PRMT2: variants seen among roughly 807,000 people sequenced by gnomAD.
PRMT2 encodes the protein protein arginine N-methyltransferase 2.
In PRMT2, 26 loss-of-function variants were observed where a neutral mutation model predicts 57.6. The observed-to-expected ratio is 0.45, with a 90% CI of 0.33 to 0.63. The LOEUF (loss-of-function observed/expected upper bound fraction) is 0.63. PRMT2 is among the 20% of genes least tolerant of loss of function. PRMT2 has a pLI of 0.02. For synonymous variants in PRMT2, 219 were observed against 220.0 expected (o/e 1.00, Z 0.04); for missense variants, 472 against 564.4 (o/e 0.84, Z 1.66).
chr21:46,646,792 T>C (rs183481176), intron 5 of PRMT2, among the ~76,000 whole-genome samples: 31 of 152,298 alleles, frequency 2.0e-4, no homozygotes, highest in Middle Eastern at 3.4e-3. Flanking sequence ...AAAGATTTGC[T>C]AATTATACAC....
rs1429797739 is a variant in PRMT2 at position 46,659,699 on chromosome 21, T to G, written c.830+779T>G. 4.1e-6 allele frequency: 4 copies of G among 984,542 alleles called. No individual in the cohort carries two copies. The African/African-American group carries it at 7.0e-5, about 17-fold the overall frequency. 61.0% of individuals were successfully genotyped at this position (984,542 alleles called of 1,614,324 possible). A position where few individuals can be genotyped will look rare whatever the true frequency, so the allele number is the denominator to read the frequency against. On this transcript the variant is annotated intron_variant, in intron 8 of 11. Coordinates refer to ENST00000355680, the MANE Select transcript of PRMT2 (RefSeq NM_206962.4). ...GTGTGGCTGCCAGGGCCTTAGAGGT[T>G]GGCATCAGGCTGCCCACCCCAGTCA...
At chr21:46,639,429 C>T (rs2061230573) in intron 3 of PRMT2, among the ~76,000 whole-genome samples, 1 of 152,080 alleles carries the variant, frequency 6.6e-6, no homozygotes, top group Non-Finnish European at 1.5e-5. Context: ...CTATCAGTTA[C>T]TAAAAATTCT....
rs764785748 is a variant in PRMT2 at position 46,637,000 on chromosome 21, G to C, written c.39+10G>C. The stretch of plus-strand genomic sequence containing the variant: ...CAGAAGTGAATCGCAGGTAATTTCC[G>C]TTCCACTTCCTAAAAATCTGTGTTT... On this transcript the variant is annotated intron_variant, in intron 3 of 11. Coordinates refer to ENST00000355680, the MANE Select transcript of PRMT2 (RefSeq NM_206962.4). 1.2e-6 allele frequency: 2 copies of C among 1,613,400 alleles called. No individual in the cohort carries two copies. Among genetic ancestry groups the C allele is most frequent in the South Asian group, 1.1e-5 (1 of 90,998 alleles).
chr21:46,658,990 A>G, intron 8 of PRMT2, 70 bp downstream of exon 8: 1 of 1,540,354 alleles, frequency 6.5e-7, no homozygotes, highest in Non-Finnish European at 8.8e-7. Context: ...AGGTGGGCCA[A>G]GGCCCTGGGA....
chr21:46,654,674 T>C (rs1442566327), intron 7 of PRMT2, among the ~76,000 whole-genome samples: 8 of 152,182 alleles, frequency 5.3e-5, no homozygotes, highest in African/African-American at 1.4e-4. Flanking sequence ...ACCAATACAG[T>C]ATAGCAGCTA....
At chr21:46,656,581 A>G (rs2061544978) in intron 7 of PRMT2, among the ~76,000 whole-genome samples, 1 of 152,208 alleles carries the variant, frequency 6.6e-6, no homozygotes. Flanking sequence ...AATTTAATGG[A>G]GAAAAGACAG....
intron 9 of PRMT2, 117 bp downstream of exon 9, chr21:46,661,079 A>C: frequency 9.9e-7 from 1 of 1,009,812 alleles, no homozygotes; most frequent in South Asian, 2.1e-5. Context: ...GTGAATAACT[A>C]ATTATTTTAT....
chr21:46,646,131 C>A (rs2061361860), intron 5 of PRMT2, among the ~76,000 whole-genome samples: 1 of 152,132 alleles, frequency 6.6e-6, no homozygotes, highest in Non-Finnish European at 1.5e-5. Context: ...ACCAGCGTGG[C>A]TGAGTCAGGA....
In PRMT2 at chr21:46,649,616, G is replaced by A. The variant is rs373144457; in HGVS notation, c.531G>A (p.Gly177=). 128 of 1,614,136 alleles carry A rather than the reference G, an allele frequency of 7.9e-5. 2 individuals carry two copies. In the Middle Eastern group the frequency reaches 1.0e-3, roughly 13 times the overall value. ...VEASEMAQHT[G]QLVLQNGFAD... Reference sequence around the variant, plus strand: ...CCAGTGAGATGGCACAGCACACGGGGCAGCTGGTCCTGCAGAACGGCTTTG... The same window carrying A: ...CCAGTGAGATGGCACAGCACACGGGACAGCTGGTCCTGCAGAACGGCTTTG... Residue 177 remains glycine (G), a synonymous_variant, in exon 7 of 12, where the codon GGG becomes GGA. Transcript: ENST00000355680. This position sits in a 1 kb window ranked among gnomAD's most constrained non-coding sequence, Gnocchi z 4.8.
At chr21:46,651,732 G>A (rs2061456802) in intron 7 of PRMT2, 8 of 1,536,186 alleles carry the variant, frequency 5.2e-6, no homozygotes, top group East Asian at 2.3e-5. Context: ...AGGGTTGGTC[G>A]GATTTGAGGG....
intron 7 of PRMT2, among the ~76,000 whole-genome samples, chr21:46,654,512 G>T (rs927251440): frequency 2.0e-5 from 3 of 152,206 alleles, no homozygotes; most frequent in African/African-American, 7.2e-5. Context: ...CTGGAACAAA[G>T]ACATAGTAGC....
At chr21:46,637,064 A>G in intron 3 of PRMT2, 74 bp downstream of exon 3, 1 of 1,516,906 alleles carries the variant, frequency 6.6e-7, no homozygotes. Context: ...GCGTCAGCTC[A>G]CAGATGTGAT....
intron 4 of PRMT2, 115 bp downstream of exon 4, chr21:46,643,754 G>C (rs2061320788): frequency 2.4e-6 from 3 of 1,264,150 alleles, no homozygotes; most frequent in African/African-American, 1.5e-5. Context: ...AGATGCGTAG[G>C]GCCACACAAG....
chr21:46,643,026 C>CAAA (rs112297697), intron 3 of PRMT2, among the ~76,000 whole-genome samples: 1 of 146,230 alleles, frequency 6.8e-6, no homozygotes, highest in African/African-American at 2.6e-5. Context: ...GACTCTGTCT[C>CAAA]AAAAAAAAAA....
At chr21:46,651,725 G>A in intron 7 of PRMT2, 1 of 1,495,646 alleles carries the variant, frequency 6.7e-7, no homozygotes, top group Non-Finnish European at 9.2e-7. Flanking sequence ...GGGGCACAGG[G>A]TTGGTCGGAT....
chr21:46,644,854 G>A (rs987948758), intron 5 of PRMT2, among the ~76,000 whole-genome samples: 8 of 152,164 alleles, frequency 5.3e-5, no homozygotes, highest in African/African-American at 1.4e-4. Context: ...TTAGTTTGCC[G>A]ACCCCTGGCT....
At chr21:46,661,237 A>G (rs2061615126) in intron 9 of PRMT2, 1 of 277,350 alleles carries the variant, frequency 3.6e-6, no homozygotes, top group Non-Finnish European at 6.6e-6. Context: ...TATTCTCAGC[A>G]TCTTCAAAAT....
At position 46,663,564 on chromosome 21, in the gene PRMT2, G is replaced by A. The variant is rs777957202; in HGVS notation, c.1269+10G>A. On this transcript the variant is annotated intron_variant, in intron 11 of 11. Transcript: ENST00000355680. ...CCCCACATCTCAAAAAGTAAGATAC[G>A]TAGTTGTAAGATTCTGTCCTGTGGG... 6.5e-5 allele frequency: 104 copies of A among 1,612,222 alleles called. No individual in the cohort carries two copies. Among genetic ancestry groups the A allele is most frequent in the Admixed American group, 4.2e-4 (25 of 59,952 alleles).
At position 46,649,952 on chromosome 21, in the gene PRMT2, A is replaced by G. The variant is rs1217073221; in HGVS notation, c.654+213A>G. 6.9e-7 allele frequency: 1 copy of G among 1,446,110 alleles called. No individual in the cohort carries two copies. Among genetic ancestry groups the G allele is most frequent in the Non-Finnish European group, 9.1e-7 (1 of 1,098,426 alleles). 89.6% of individuals were successfully genotyped at this position (1,446,110 alleles called of 1,614,324 possible). A position where few individuals can be genotyped will look rare whatever the true frequency, so the allele number is the denominator to read the frequency against. ...AATGCCTTTATGAGAAATTTAAGTC[A>G]AAGTTCATGTAACATTTTCATGAGT... On this transcript the variant is annotated intron_variant, in intron 7 of 11. Coordinates refer to ENST00000355680, the MANE Select transcript of PRMT2 (RefSeq NM_206962.4). The surrounding 1 kb of genome is among the most constrained non-coding windows in gnomAD (Gnocchi z 4.8).
Sources: gnomAD v4.1 joint callset for allele counts (sites outside exome capture counted in the v4.1 genomes callset) on GRCh38, gnomAD v4.1.1 for gene constraint, Gnocchi (gnomAD v3.1) non-coding constraint, MANE v1.5 for transcripts, NCBI Gene and HGNC (gene_info 2026-07-23, HGNC 2026-07-21) for gene names.